The following NIBAN1 variants were observed in gnomAD, a reference collection of about 807,000 sequenced individuals.
NIBAN1 encodes niban apoptosis regulator 1, also known as protein Niban 1.
In NIBAN1, 81 loss-of-function variants were observed where a neutral mutation model predicts 75.1. The ratio of observed to expected loss-of-function variants is 1.08; its 90% CI spans 0.90 to 1.30. NIBAN1 has a LOEUF of 1.30. NIBAN1 is among the 50% of genes most tolerant of loss of function. NIBAN1 has a pLI of 0.00. For synonymous variants in NIBAN1, 436 were observed against 424.8 expected (o/e 1.03, Z -0.32); for missense variants, 1,133 against 1,128.1 (o/e 1.00, Z -0.06).
chr1:184,958,342 T>G (rs897144167), intron 1 of NIBAN1, among the ~76,000 whole-genome samples: 2 of 146,542 alleles, frequency 1.4e-5, no homozygotes, highest in Admixed American at 1.4e-4. Flanking sequence ...ACCACTGCAC[T>G]CCAGCTTGTG....
chr1:184,867,667 G>C (rs1163547238), intron 5 of NIBAN1, among the ~76,000 whole-genome samples: 1 of 152,200 alleles, frequency 6.6e-6, no homozygotes, highest in African/African-American at 2.4e-5. Context: ...GAGGCAAAAT[G>C]ATGTTCCTGA....
At chr1:184,855,919 T>C (rs935981923) in intron 5 of NIBAN1, among the ~76,000 whole-genome samples, 1 of 152,220 alleles carries the variant, frequency 6.6e-6, no homozygotes, top group Admixed American at 6.5e-5. Context: ...CCCATGTTTC[T>C]AGCCGATTGG....
chr1:184,872,179 T>G (rs915660004), intron 5 of NIBAN1, among the ~76,000 whole-genome samples: 6 of 152,136 alleles, frequency 3.9e-5, no homozygotes, highest in Non-Finnish European at 8.8e-5. Context: ...AAAAATATTT[T>G]TAAAAATTGG....
At chr1:184,903,576 T>C (rs1485444693) in intron 1 of NIBAN1, among the ~76,000 whole-genome samples, 1 of 151,922 alleles carries the variant, frequency 6.6e-6, no homozygotes, top group Non-Finnish European at 1.5e-5. Context: ...CCTGGCACCT[T>C]CTCCTCTCTC....
At chr1:184,973,055 G>A (rs1658978355) in intron 1 of NIBAN1, among the ~76,000 whole-genome samples, 1 of 152,180 alleles carries the variant, frequency 6.6e-6, no homozygotes, top group Non-Finnish European at 1.5e-5. Flanking sequence ...TAAGACTAAG[G>A]CAGGCTTCAT....
intron 1 of NIBAN1, among the ~76,000 whole-genome samples, chr1:184,917,273 C>G (rs1657410854): frequency 6.6e-6 from 1 of 150,784 alleles, no homozygotes; most frequent in Non-Finnish European, 1.5e-5. Context: ...GGCGCGATCT[C>G]AGCTCATTGC....
At chr1:184,936,229 T>C (rs1367834167) in intron 1 of NIBAN1, among the ~76,000 whole-genome samples, 2 of 151,992 alleles carry the variant, frequency 1.3e-5, no homozygotes, top group Non-Finnish European at 2.9e-5. Context: ...ATGCTGGAAA[T>C]GGAGGATCCT....
intron 6 of NIBAN1, among the ~76,000 whole-genome samples, chr1:184,827,336 C>A (rs1177732138): frequency 6.6e-6 from 1 of 151,982 alleles, no homozygotes; most frequent in Non-Finnish European, 1.5e-5. Flanking sequence ...CGACTTTCAG[C>A]CCCACCCTGC....
chr1:184,812,954 A>C (rs1366946823), intron 9 of NIBAN1, among the ~76,000 whole-genome samples: 1 of 152,240 alleles, frequency 6.6e-6, no homozygotes, highest in Non-Finnish European at 1.5e-5. Flanking sequence ...TTCAAAAGCC[A>C]GAAACATCAG....
chr1:184,858,137 AAC>A (rs1384536882), intron 5 of NIBAN1, among the ~76,000 whole-genome samples: 2 of 152,082 alleles, frequency 1.3e-5, no homozygotes, highest in African/African-American at 4.8e-5. Context: ...AGTTTATAAT[AAC>A]ACATGAGCAA....
intron 5 of NIBAN1, among the ~76,000 whole-genome samples, chr1:184,865,975 G>A (rs754472031): frequency 2.2e-4 from 33 of 152,010 alleles, no homozygotes; most frequent in African/African-American, 1.9e-4. Flanking sequence ...TAAACAATCC[G>A]GAATGCTTTA....
At position 184,820,645 on chromosome 1, in the gene NIBAN1, A is replaced by G. The variant is rs145862913; in HGVS notation, c.986-1820T>C. 1.9e-3 allele frequency among the ~76,000 whole-genome samples: 294 copies of G among 152,296 alleles called. 3 individuals carry two copies. The highest frequency in any genetic ancestry group is 6.9e-3 in the African/African-American group (286 of 41,556). On this transcript the variant is annotated intron_variant, in intron 8 of 13. Transcript: ENST00000367511. ...TGCCGCTGTGATGCATATGTGTTTGATACATTAATTCATAAGCCTTACTGA... is the reference window on the plus strand; with the variant it reads ...TGCCGCTGTGATGCATATGTGTTTGGTACATTAATTCATAAGCCTTACTGA...
chr1:184,884,831 T>G, intron 4 of NIBAN1, 31 bp from the exon 5 acceptor site: 1 of 1,607,008 alleles, frequency 6.2e-7, no homozygotes, highest in Non-Finnish European at 8.5e-7. Flanking sequence ...CAAATACCTT[T>G]TAAAACATGT....
intron 1 of NIBAN1, among the ~76,000 whole-genome samples, chr1:184,968,497 C>T (rs2102092269): frequency 6.6e-6 from 1 of 152,202 alleles, no homozygotes; most frequent in East Asian, 1.9e-4. Flanking sequence ...TCATAGTGGA[C>T]CCTCTTTCTC....
At chr1:184,951,888 C>T (rs1475503476) in intron 1 of NIBAN1, among the ~76,000 whole-genome samples, 1 of 152,166 alleles carries the variant, frequency 6.6e-6, no homozygotes, top group Non-Finnish European at 1.5e-5. Flanking sequence ...TCCCATTGCT[C>T]ATTCCTCCGT....
At chr1:184,827,960 GT>G (rs1047727839) in intron 6 of NIBAN1, among the ~76,000 whole-genome samples, 65 of 137,456 alleles carry the variant, frequency 4.7e-4, no homozygotes, top group Middle Eastern at 4.2e-3. Flanking sequence ...TTTGTTTTTT[GT>G]TTTTTTTTTT....
At chr1:184,860,276 G>C (rs953449732) in intron 5 of NIBAN1, among the ~76,000 whole-genome samples, 1 of 151,198 alleles carries the variant, frequency 6.6e-6, no homozygotes. Context: ...TGCGGCGGGG[G>C]CGGGGGGCCA....
intron 9 of NIBAN1, among the ~76,000 whole-genome samples, chr1:184,810,981 C>T (rs572099334): frequency 5.3e-4 from 81 of 152,266 alleles, no homozygotes; most frequent in African/African-American, 1.9e-3. Context: ...CTGGGGATCG[C>T]GGTAAGCTCC....
At chr1:184,926,091 G>T (rs1468651489) in intron 1 of NIBAN1, among the ~76,000 whole-genome samples, 3 of 152,078 alleles carry the variant, frequency 2.0e-5, no homozygotes, top group Non-Finnish European at 4.4e-5. Flanking sequence ...GGGTATTTTT[G>T]CTGGATATAC....
Sources: gnomAD v4.1 joint callset for allele counts (sites outside exome capture counted in the v4.1 genomes callset) on GRCh38, gnomAD v4.1.1 for gene constraint, MANE v1.5 for transcripts, NCBI Gene and HGNC (gene_info 2026-07-23, HGNC 2026-07-21) for gene names.